The following PIAS2 variants were observed in gnomAD, a reference collection of about 807,000 sequenced individuals.
The protein encoded by PIAS2 is E3 SUMO-protein ligase PIAS2.
A neutral mutation model predicts 69.7 loss-of-function variants in PIAS2; 19 were observed. The observed-to-expected ratio is 0.27, with a 90% CI of 0.19 to 0.40. The LOEUF (loss-of-function observed/expected upper bound fraction) is 0.40. Among genes scored for constraint, PIAS2 ranks in the 10% least tolerant of loss-of-function variants. PIAS2 has a pLI of 1.00. For synonymous variants in PIAS2, 261 were observed against 263.2 expected, an observed-to-expected ratio of 0.99 and a Z score of 0.08; for missense variants, 624 against 757.0, an observed-to-expected ratio of 0.82 and a Z score of 2.06.
chr18:46,906,494 C>G (rs914763825), intron 1 of PIAS2, among the ~76,000 whole-genome samples: 1 of 152,048 alleles, frequency 6.6e-6, no homozygotes, highest in Non-Finnish European at 1.5e-5. Flanking sequence ...CAAAGTCAAA[C>G]TGTACTTCTG....
chr18:46,914,741 A>ATCTT (rs1209297129), intron 1 of PIAS2, among the ~76,000 whole-genome samples: 3 of 152,026 alleles, frequency 2.0e-5, no homozygotes, highest in Admixed American at 1.3e-4. Context: ...GGTAATGGAA[A>ATCTT]TCCTCTCTGT....
At chr18:46,913,084 T>C (rs1165408186) in intron 1 of PIAS2, among the ~76,000 whole-genome samples, 1 of 152,194 alleles carries the variant, frequency 6.6e-6, no homozygotes, top group Non-Finnish European at 1.5e-5. Flanking sequence ...CATAATAGCT[T>C]TGAATCATAT....
intron 12 of PIAS2, chr18:46,817,502 T>C (rs1293729109): frequency 5.3e-6 from 5 of 944,614 alleles, no homozygotes; most frequent in Non-Finnish European, 6.3e-6. Flanking sequence ...GTACTGTAAT[T>C]CTCTTTGATG....
intron 1 of PIAS2, among the ~76,000 whole-genome samples, chr18:46,916,652 CAA>C (rs904439978): frequency 6.6e-6 from 1 of 152,082 alleles, no homozygotes; most frequent in Admixed American, 6.6e-5. Context: ...TATTTTTCCT[CAA>C]GAGTAAAAGG....
At chr18:46,851,291 C>A (rs969360678) in intron 5 of PIAS2, among the ~76,000 whole-genome samples, 4 of 152,194 alleles carry the variant, frequency 2.6e-5, no homozygotes, top group African/African-American at 7.2e-5. Context: ...CAGCACATAT[C>A]CTCTCTACTC....
intron 2 of PIAS2, among the ~76,000 whole-genome samples, chr18:46,886,654 G>A (rs8098688): frequency 0.076 from 11,588 of 152,012 alleles, 480 homozygotes; most frequent in African/African-American, 0.099. Context: ...CCTGGCCAAC[G>A]TAACGAAACC....
chr18:46,855,267 A>G, intron 5 of PIAS2, 78 bp downstream of exon 5: 1 of 832,992 alleles, frequency 1.2e-6, no homozygotes. Flanking sequence ...TTCAGCTGTC[A>G]CTGTTGCACT....
At position 46,857,334 on chromosome 18, in the gene PIAS2, C is replaced by T. The variant is rs182010337; in HGVS notation, c.585-1719G>A. ...ATATGCTAAGTAGGTAACAGAAATA[C>T]AACACCTAAAATAAAATATGGTAAG... On this transcript the variant is annotated intron_variant, in intron 3 of 13. Transcript: ENST00000585916. 5.9e-5 allele frequency among the ~76,000 whole-genome samples: 9 copies of T among 152,256 alleles called. No individual in the cohort carries two copies. In the East Asian group the frequency reaches 1.7e-3, roughly 29 times the overall value.
chr18:46,831,410 C>T (rs533936836), intron 9 of PIAS2, among the ~76,000 whole-genome samples: 1 of 152,292 alleles, frequency 6.6e-6, no homozygotes, highest in Non-Finnish European at 1.5e-5. Flanking sequence ...AGACTCAATA[C>T]TCTTATGTCA....
intron 5 of PIAS2, chr18:46,853,481 C>G (rs1320340449): frequency 6.6e-6 from 1 of 152,126 alleles, no homozygotes; most frequent in Non-Finnish European, 1.5e-5. Flanking sequence ...TGGTTCAGAT[C>G]TTTGTGCAAA....
chr18:46,817,049 TG>T, intron 12 of PIAS2: 1 of 937,860 alleles, frequency 1.1e-6, no homozygotes, highest in Non-Finnish European at 1.3e-6. Context: ...AAAAGTTTAT[TG>T]GAACATTTTG....
chr18:46,846,239 A>T (rs1335388390), intron 6 of PIAS2, among the ~76,000 whole-genome samples: 1 of 152,200 alleles, frequency 6.6e-6, no homozygotes, highest in African/African-American at 2.4e-5. Context: ...AATTCTAAGT[A>T]AATATTTTTA....
intron 2 of PIAS2, among the ~76,000 whole-genome samples, chr18:46,885,520 C>CA (rs562180662): frequency 0.046 from 5,154 of 112,070 alleles, 210 homozygotes; most frequent in African/African-American, 0.14. Flanking sequence ...GACTCCATCT[C>CA]AAAAAAAAAA....
intron 9 of PIAS2, among the ~76,000 whole-genome samples, chr18:46,831,429 T>G (rs944755958): frequency 6.6e-6 from 1 of 152,200 alleles, no homozygotes; most frequent in Non-Finnish European, 1.5e-5. Flanking sequence ...CACCACAGAC[T>G]TATCTACAGA....
chr18:46,910,511 G>A (rs1378100511), intron 1 of PIAS2, among the ~76,000 whole-genome samples: 1 of 152,116 alleles, frequency 6.6e-6, no homozygotes, highest in East Asian at 1.9e-4. Flanking sequence ...GAACTCTAGA[G>A]AAATTAGCAT....
At chr18:46,910,760 T>C (rs2057170883) in intron 1 of PIAS2, among the ~76,000 whole-genome samples, 1 of 152,216 alleles carries the variant, frequency 6.6e-6, no homozygotes, top group Non-Finnish European at 1.5e-5. Flanking sequence ...AGATCTGCAA[T>C]GGACCTCTGA....
At position 46,899,075 on chromosome 18, in the gene PIAS2, G is replaced by A. The variant is rs538253354; in HGVS notation, c.25-8021C>T. Among the ~76,000 whole-genome samples the A allele has an allele frequency of 7.9e-4, 119 of 150,186 alleles. 1 individual carries two copies. The highest frequency in any genetic ancestry group is 3.4e-3 in the Middle Eastern group (1 of 294). The stretch of plus-strand genomic sequence containing the variant: ...GATAAAAATACTCAACACTGAAAAG[G>A]TATCAATTGTTTCCAAGTTATAAAT... On this transcript the variant is annotated intron_variant, in intron 1 of 13. Transcript: ENST00000585916.
intron 1 of PIAS2, among the ~76,000 whole-genome samples, chr18:46,912,346 C>A (rs2057363338): frequency 6.6e-6 from 1 of 152,156 alleles, no homozygotes. Flanking sequence ...TTTACAATAC[C>A]TAATATATGG....
chr18:46,814,117 T>C (rs1468327404), intron 13 of PIAS2, among the ~76,000 whole-genome samples: 1 of 152,156 alleles, frequency 6.6e-6, no homozygotes, highest in East Asian at 1.9e-4. Flanking sequence ...GTGCGTTGAA[T>C]TCTTAGTAGT....
Sources: gnomAD v4.1 joint callset for allele counts (sites outside exome capture counted in the v4.1 genomes callset) on GRCh38, gnomAD v4.1.1 for gene constraint, MANE v1.5 for transcripts, NCBI Gene and HGNC (gene_info 2026-07-23, HGNC 2026-07-21) for gene names.